The following LPP variants were observed in gnomAD, a reference collection of about 807,000 sequenced individuals.
LPP encodes the protein LIM domain containing preferred translocation partner in lipoma, also known as lipoma-preferred partner.
In LPP, 38 loss-of-function variants were observed where a neutral mutation model predicts 60.4. The observed-to-expected ratio is 0.63, with a 90% CI of 0.49 to 0.83. LPP has a LOEUF of 0.83. LPP is among the 40% of genes least tolerant of loss of function. LPP has a pLI of 0.00. For synonymous variants in LPP, 328 were observed against 290.8 expected (o/e 1.13, Z -1.30); for missense variants, 902 against 783.6 (o/e 1.15, Z -1.80).
rs141627730 is a variant in LPP, at chr3:188,307,143, C to A, written c.-66-34520C>A. Among the ~76,000 whole-genome samples, 12 of 152,300 alleles carry A rather than the reference C, an allele frequency of 7.9e-5. No homozygotes were observed. The East Asian group carries it at 2.3e-3, about 29-fold the overall frequency. On this transcript the variant is annotated intron_variant, in intron 2 of 11. Coordinates refer to ENST00000617246, the MANE Select transcript of LPP (RefSeq NM_001375462.1). ...TTCTCACAATAACCCAAAGAGGTGT[C>A]TATTACTATTATTATCCCATTTTAC... is the stretch of plus-strand genomic sequence containing the variant.
intron 8 of LPP, among the ~76,000 whole-genome samples, chr3:188,717,343 A>G (rs1408457728): frequency 1.3e-5 from 2 of 152,242 alleles, no homozygotes; most frequent in African/African-American, 2.4e-5. Context: ...CTCAACTGAG[A>G]GGTGTAAAGT....
intron 8 of LPP, chr3:188,710,209 T>C (rs1390441902): frequency 6.6e-6 from 1 of 152,168 alleles, no homozygotes; most frequent in Non-Finnish European, 1.5e-5. Flanking sequence ...ACACAGTAGA[T>C]GAAGTAGGAG....
intron 8 of LPP, among the ~76,000 whole-genome samples, chr3:188,747,634 T>C (rs1311244881): frequency 6.6e-6 from 1 of 152,228 alleles, no homozygotes; most frequent in Admixed American, 6.5e-5. Flanking sequence ...AGAGGAATTT[T>C]TCCAGGAGCA....
chr3:188,664,426 A>G (rs1479909294), intron 7 of LPP, among the ~76,000 whole-genome samples: 1 of 152,242 alleles, frequency 6.6e-6, no homozygotes, highest in African/African-American at 2.4e-5. Context: ...TATTTCTTTG[A>G]CTACCAAAAG....
At chr3:188,657,840 A>G (rs1244299581) in intron 7 of LPP, among the ~76,000 whole-genome samples, 1 of 152,196 alleles carries the variant, frequency 6.6e-6, no homozygotes, top group African/African-American at 2.4e-5. Context: ...AGATTCTTCC[A>G]TTTGTAAATA....
chr3:188,546,992 G>T (rs1469533645), intron 6 of LPP, among the ~76,000 whole-genome samples: 1 of 152,168 alleles, frequency 6.6e-6, no homozygotes, highest in African/African-American at 2.4e-5. Context: ...GATGTGTAAA[G>T]CCATAACGAC....
intron 5 of LPP, among the ~76,000 whole-genome samples, chr3:188,504,446 T>G (rs1812865246): frequency 6.6e-6 from 1 of 152,144 alleles, no homozygotes; most frequent in Non-Finnish European, 1.5e-5. Flanking sequence ...TTCTGTTGGT[T>G]TATATTTTTG....
chr3:188,186,614 T>C (rs1035286280), intron 1 of LPP, among the ~76,000 whole-genome samples: 6 of 151,684 alleles, frequency 4.0e-5, no homozygotes, highest in African/African-American at 1.5e-4. Flanking sequence ...ATTTAAAAGG[T>C]GCTATAATAC....
chr3:188,371,161 A>C (rs1004902937), intron 3 of LPP, among the ~76,000 whole-genome samples: 1 of 152,154 alleles, frequency 6.6e-6, no homozygotes, highest in African/African-American at 2.4e-5. Context: ...ATGGAGGGTT[A>C]CTGGTAACTA....
intron 1 of LPP, among the ~76,000 whole-genome samples, chr3:188,168,238 T>C (rs1720599548): frequency 6.6e-6 from 1 of 152,204 alleles, no homozygotes; most frequent in Admixed American, 6.5e-5. Context: ...TTAACATGTG[T>C]GATAGTTGAA....
chr3:188,499,232 A>G (rs1449898421), intron 5 of LPP, among the ~76,000 whole-genome samples: 1 of 152,136 alleles, frequency 6.6e-6, no homozygotes, highest in African/African-American at 2.4e-5. Flanking sequence ...ATGCTTTTGC[A>G]TATGTTTTAT....
In LPP at chr3:188,618,807, C is replaced by T. The variant is rs909724329; in HGVS notation, c.1113+8963C>T. On this transcript the variant is annotated intron_variant, in intron 7 of 11. Coordinates refer to ENST00000617246, the MANE Select transcript of LPP (RefSeq NM_001375462.1). ...AGTGTTTGGTATATTTATGCCTCCT[C>T]AAATATGACACCATCTTTTTTTAAA... Among the ~76,000 whole-genome samples, 81 of 152,132 alleles carry T rather than the reference C, an allele frequency of 5.3e-4. 2 individuals carry two copies. Among genetic ancestry groups the T allele is most frequent in the Non-Finnish European group, 1.6e-4 (11 of 68,026 alleles).
chr3:188,664,799 AAAT>A (rs1354990573), intron 7 of LPP, among the ~76,000 whole-genome samples: 1 of 152,200 alleles, frequency 6.6e-6, no homozygotes. Flanking sequence ...CTAGGTATAA[AAAT>A]ATTACCAGGG....
chr3:188,367,809 A>G (rs1036061885), intron 3 of LPP, among the ~76,000 whole-genome samples: 13 of 152,176 alleles, frequency 8.5e-5, no homozygotes, highest in Non-Finnish European at 7.3e-5. Context: ...AATAAGCACA[A>G]CTTTCTTTTC....
chr3:188,544,213 A>G (rs1040641936), intron 6 of LPP, among the ~76,000 whole-genome samples: 1 of 152,196 alleles, frequency 6.6e-6, no homozygotes, highest in Admixed American at 6.5e-5. Flanking sequence ...CTGACTTAGT[A>G]CAGATTTTCA....
At position 188,159,697 on chromosome 3, in the gene LPP, G is replaced by A. The variant is rs144094119; in HGVS notation, c.-190+5445G>A. Among the ~76,000 whole-genome samples, 309 of 152,306 alleles carry A rather than the reference G, an allele frequency of 2.0e-3. 1 individual carries two copies. The highest frequency in any genetic ancestry group is 0.01 in the Middle Eastern group (3 of 294). ...ACTGTTTTTACTGCCCCAGAACCTT[G>A]AGCCAGTTGTTGCTGGCACAGGTGG... On this transcript the variant is annotated intron_variant, in intron 1 of 11. Coordinates refer to ENST00000617246, the MANE Select transcript of LPP (RefSeq NM_001375462.1).
intron 9 of LPP, among the ~76,000 whole-genome samples, chr3:188,854,451 G>C (rs937301697): frequency 6.7e-6 from 1 of 149,698 alleles, no homozygotes; most frequent in African/African-American, 2.4e-5. Flanking sequence ...TCTTCGGAAG[G>C]GAACCGCACA....
intron 5 of LPP, among the ~76,000 whole-genome samples, chr3:188,510,819 A>G (rs994451361): frequency 1.3e-5 from 2 of 152,168 alleles, no homozygotes; most frequent in Admixed American, 1.3e-4. Flanking sequence ...TCTCCATTTA[A>G]GGCCTTCTCA....
chr3:188,399,329 G>A (rs1409266246), intron 3 of LPP, among the ~76,000 whole-genome samples: 1 of 151,646 alleles, frequency 6.6e-6, no homozygotes, highest in African/African-American at 2.4e-5. Context: ...TGAAATTCCA[G>A]GAAGGTACTG....
Sources: allele counts gnomAD v4.1 joint callset (sites outside exome capture counted in the v4.1 genomes callset), GRCh38; gene constraint gnomAD v4.1.1; transcripts MANE v1.5; gene names NCBI Gene and HGNC (gene_info 2026-07-23, HGNC 2026-07-21).